The following SNX14 variants were observed in gnomAD, a reference collection of about 807,000 sequenced individuals.
The protein encoded by SNX14 is sorting nexin-14.
In SNX14, 93 loss-of-function variants were observed where a neutral mutation model predicts 133.8. The ratio of observed to expected loss-of-function variants is 0.70; its 90% CI spans 0.59 to 0.83. SNX14 has a LOEUF of 0.83. Among genes scored for constraint, SNX14 ranks in the 40% least tolerant of loss-of-function variants. The pLI is 0.00. For missense variants in SNX14, 945 were observed against 1,094.9 expected (o/e 0.86, Z 1.93); for synonymous variants, 368 against 365.6 (o/e 1.01, Z -0.07).
chr6:85,520,514 T>C (rs1418774038), intron 21 of SNX14, among the ~76,000 whole-genome samples: 1 of 151,622 alleles, frequency 6.6e-6, no homozygotes, highest in Non-Finnish European at 1.5e-5. Flanking sequence ...CCCACCACCA[T>C]GCCCAGCTAA....
intron 2 of SNX14, 92 bp from the exon 3 acceptor site, chr6:85,572,466 A>G (rs981422886): frequency 1.0e-6 from 1 of 974,794 alleles, no homozygotes; most frequent in Non-Finnish European, 1.6e-6. Flanking sequence ...TTTTAAAATC[A>G]ATGTATAAAT....
chr6:85,549,560 C>A (rs966696849), intron 8 of SNX14, among the ~76,000 whole-genome samples, 163 bp downstream of exon 8: 2 of 151,828 alleles, frequency 1.3e-5, no homozygotes, highest in African/African-American at 4.8e-5. Flanking sequence ...ATTTTAAGAC[C>A]ATAATTAATA....
chr6:85,520,262 T>G (rs1361475725), intron 21 of SNX14, among the ~76,000 whole-genome samples: 1 of 151,920 alleles, frequency 6.6e-6, no homozygotes, highest in Non-Finnish European at 1.5e-5. Context: ...AGGCTGGTCT[T>G]GAACTCCTGA....
At chr6:85,544,654 T>C (rs1784910802) in intron 12 of SNX14, among the ~76,000 whole-genome samples, 1 of 152,126 alleles carries the variant, frequency 6.6e-6, no homozygotes, top group East Asian at 1.9e-4. Context: ...TAGCCAGGCA[T>C]GGTGGTGTTC....
At chr6:85,540,996 CTTT>C (rs748469763) in intron 15 of SNX14, among the ~76,000 whole-genome samples, 2 of 138,080 alleles carry the variant, frequency 1.4e-5, no homozygotes, top group Non-Finnish European at 3.2e-5. Context: ...AGTTTCTTAA[CTTT>C]TTTTTTTTTT....
intron 6 of SNX14, among the ~76,000 whole-genome samples, chr6:85,563,145 T>A (rs781345597): frequency 6.6e-6 from 1 of 152,182 alleles, no homozygotes; most frequent in Non-Finnish European, 1.5e-5. Flanking sequence ...GTTTTTTGCA[T>A]ATCTTTTCTC....
At chr6:85,544,262 GCTTTTT>G (rs1195036243) in intron 12 of SNX14, among the ~76,000 whole-genome samples, 1 of 151,510 alleles carries the variant, frequency 6.6e-6, no homozygotes, top group African/African-American at 2.4e-5. Context: ...AATACCAATT[GCTTTTT>G]CTTTTTATTT....
chr6:85,566,187 G>A (rs558143180), intron 5 of SNX14, among the ~76,000 whole-genome samples: 10 of 152,260 alleles, frequency 6.6e-5, no homozygotes, highest in Admixed American at 3.9e-4. Flanking sequence ...CGAAAGTGTC[G>A]TAATGAGAGA....
At chr6:85,506,436 C>G (rs527922772) in intron 28 of SNX14, among the ~76,000 whole-genome samples, 1 of 152,176 alleles carries the variant, frequency 6.6e-6, no homozygotes, top group South Asian at 2.1e-4. Flanking sequence ...CCTGTGTCAG[C>G]CTCCCGAGTA....
At chr6:85,532,429 G>A (rs1780583930) in intron 18 of SNX14, among the ~76,000 whole-genome samples, 1 of 152,208 alleles carries the variant, frequency 6.6e-6, no homozygotes, top group Admixed American at 6.5e-5. Context: ...CAATTCCTAT[G>A]TCTCATGTTC....
chr6:85,528,231 A>G (rs1187414132), intron 20 of SNX14, 31 bp downstream of exon 20: 1 of 1,476,354 alleles, frequency 6.8e-7, no homozygotes, highest in East Asian at 2.3e-5. Context: ...ATGATTAGCA[A>G]CATTTGGAAT....
At chr6:85,547,011 C>T (rs2128093954) in intron 12 of SNX14, 101 bp downstream of exon 12, 2 of 593,320 alleles carry the variant, frequency 3.4e-6, no homozygotes, top group East Asian at 7.2e-5. Flanking sequence ...AAATTTAGTA[C>T]AATGATAGAT....
chr6:85,507,491 T>C (rs1397247350), intron 27 of SNX14, among the ~76,000 whole-genome samples: 1 of 152,192 alleles, frequency 6.6e-6, no homozygotes, highest in African/African-American at 2.4e-5. Flanking sequence ...AGTACACATG[T>C]GTTTGCATGA....
intron 7 of SNX14, among the ~76,000 whole-genome samples, chr6:85,550,862 C>T (rs1185777053): frequency 6.6e-6 from 1 of 151,970 alleles, no homozygotes; most frequent in Non-Finnish European, 1.5e-5. Flanking sequence ...CAGTTCACTG[C>T]TACCTCCACC....
rs146849758 is a variant in SNX14 at position 85,547,145 on chromosome 6, C to T, written c.1075G>A (p.Ala359Thr). Residue 359 changes from alanine to threonine, a missense_variant, in exon 12 of 29, where the codon GCA becomes ACA. Around this residue, in one of 3 missense-constraint regions of SNX14, gnomAD observed 514 missense variants for 538.8 expected, o/e 0.95. Coordinates refer to ENST00000314673, the MANE Select transcript of SNX14 (RefSeq NM_153816.6). ...AAACAAAACTGCAACACGTGCACTGCGCCTTCTTGTTTCAGAAAGTTCATA... is the reference window on the plus strand; with the variant it reads ...AAACAAAACTGCAACACGTGCACTGTGCCTTCTTGTTTCAGAAAGTTCATA... ...RFMNFLKQEG[A>T]VHVLQFCLTV... 54 of 1,613,858 alleles carry T rather than the reference C, an allele frequency of 3.3e-5. No homozygotes were observed. Among genetic ancestry groups the T allele is most frequent in the Middle Eastern group, 1.6e-4 (1 of 6,084 alleles).
intron 7 of SNX14, among the ~76,000 whole-genome samples, chr6:85,556,634 AG>A (rs1789899646): frequency 6.6e-6 from 1 of 151,880 alleles, no homozygotes; most frequent in Non-Finnish European, 1.5e-5. Flanking sequence ...TTGTATTTTT[AG>A]TAGACATGGG....
Position 85,574,276 on chromosome 6 carries a change from T to G in SNX14, c.243A>C (p.Thr81=). 1 of 1,587,680 alleles carries G rather than the reference T, an allele frequency of 6.3e-7. No individual in the cohort carries two copies. Reference sequence around the variant, plus strand: ...ATTTTACCTTGGGTTTGTATTTTATTGTGAAGAATATATTTGGTAAGAGAG... The same window carrying G: ...ATTTTACCTTGGGTTTGTATTTTATGGTGAAGAATATATTTGGTAAGAGAG... ...PDSLLPNIFF[T]IKYKPKQLGL... Residue 81 remains threonine (T), a synonymous_variant, in exon 2 of 29, where the codon ACA becomes ACC. Transcript: ENST00000314673.
chr6:85,570,500 ATATTT>A (rs550957602), intron 4 of SNX14, among the ~76,000 whole-genome samples: 1 of 152,230 alleles, frequency 6.6e-6, no homozygotes, highest in Non-Finnish European at 1.5e-5. Flanking sequence ...AATTAATTTT[ATATTT>A]TATTTAACCC....
chr6:85,525,808 T>C (rs985216399), intron 21 of SNX14, among the ~76,000 whole-genome samples: 2 of 152,174 alleles, frequency 1.3e-5, no homozygotes, highest in South Asian at 2.1e-4. Flanking sequence ...ATTCATATAC[T>C]GTATGATGAA....
Sources: allele counts gnomAD v4.1 joint callset (sites outside exome capture counted in the v4.1 genomes callset), GRCh38; gene constraint gnomAD v4.1.1; regional missense constraint gnomAD v4.1.1; transcripts MANE v1.5; gene names NCBI Gene and HGNC (gene_info 2026-07-23, HGNC 2026-07-21).